GLRA3: variants seen among roughly 807,000 people sequenced by gnomAD.
GLRA3 encodes glycine receptor alpha 3.
A neutral mutation model predicts 60.4 loss-of-function variants in GLRA3; 44 were observed. The ratio of observed to expected loss-of-function variants is 0.73; its 90% CI spans 0.57 to 0.94. The LOEUF is 0.94. Ranked by LOEUF, GLRA3 falls within the 40% of genes least tolerant of loss-of-function variation. GLRA3 has a pLI of 0.00. For missense variants in GLRA3, 508 were observed against 564.6 expected (o/e 0.90, Z 1.02); for synonymous variants, 223 against 192.9 (o/e 1.16, Z -1.29).
intron 4 of GLRA3, among the ~76,000 whole-genome samples, chr4:174,719,168 T>A (rs1736045964): frequency 6.6e-6 from 1 of 151,592 alleles, no homozygotes; most frequent in Non-Finnish European, 1.5e-5. Flanking sequence ...TTTCACCGTG[T>A]TAGCCAGGAT....
chr4:174,721,766 T>C (rs570110461), intron 4 of GLRA3, among the ~76,000 whole-genome samples: 3 of 151,834 alleles, frequency 2.0e-5, no homozygotes, highest in South Asian at 4.2e-4. Context: ...TGTGTGTATA[T>C]ATATGTGTGT....
chr4:174,788,801 A>G lies in GLRA3; in HGVS notation c.199+15T>C. 6.3e-7 allele frequency: 1 copy of G among 1,575,248 alleles called. No individual in the cohort carries two copies. The highest frequency in any genetic ancestry group is 8.7e-7 in the Non-Finnish European group (1 of 1,156,008). ...ATTTAAAACACACATATAAAGTAGC[A>G]AACAGAACAATTACCTTTAAAATTG... On this transcript the variant is annotated intron_variant, in intron 2 of 9. Transcript: ENST00000274093.
At chr4:174,803,551 G>A (rs1412107876) in intron 1 of GLRA3, among the ~76,000 whole-genome samples, 1 of 152,090 alleles carries the variant, frequency 6.6e-6, no homozygotes, top group Non-Finnish European at 1.5e-5. Flanking sequence ...TTTGCCTTGG[G>A]CAAGCCAGAC....
At chr4:174,710,529 T>A (rs17363787) in intron 5 of GLRA3, among the ~76,000 whole-genome samples, 21,561 of 152,092 alleles carry the variant, frequency 0.14, 1,570 homozygotes, top group East Asian at 0.18. Context: ...TTTCAAAATG[T>A]TTGTTGTTGT....
At chr4:174,804,444 G>A (rs932242198) in intron 1 of GLRA3, among the ~76,000 whole-genome samples, 1 of 152,134 alleles carries the variant, frequency 6.6e-6, no homozygotes, top group Admixed American at 6.6e-5. Flanking sequence ...TGGTCAGGAA[G>A]AGAGTTGAGG....
intron 1 of GLRA3, 152 bp downstream of exon 1, chr4:174,828,589 A>G: frequency 1.6e-6 from 1 of 609,808 alleles, no homozygotes; most frequent in Middle Eastern, 2.6e-4. Context: ...TAGACTGCTA[A>G]ATAATTTAGA....
At chr4:174,755,495 A>T (rs961158647) in intron 3 of GLRA3, among the ~76,000 whole-genome samples, 7 of 152,162 alleles carry the variant, frequency 4.6e-5, no homozygotes, top group Non-Finnish European at 8.8e-5. Context: ...AGCCAAATAA[A>T]GTAGCACAGG....
rs527696921 is a variant in GLRA3 at position 174,641,761 on chromosome 4, A to G, written c.*2025T>C. 1 of 152,168 alleles carries G rather than the reference A, an allele frequency of 6.6e-6. No individual in the cohort carries two copies. Among genetic ancestry groups the G allele is most frequent in the South Asian group, 2.1e-4 (1 of 4,824 alleles). 9.4% of individuals were successfully genotyped at this position (152,168 alleles called of 1,614,324 possible). ...TGTTTGCTCCTGGCAGAATTCACTT[A>G]AGCAATGTTGGGAAACTTTTGAAAT... is the stretch of plus-strand genomic sequence containing the variant. On this transcript the variant is annotated 3_prime_UTR_variant, in exon 10 of 10. Coordinates refer to ENST00000274093, the MANE Select transcript of GLRA3 (RefSeq NM_006529.4).
chr4:174,714,495 A>C (rs1390168766), intron 5 of GLRA3, among the ~76,000 whole-genome samples: 2 of 152,196 alleles, frequency 1.3e-5, no homozygotes, highest in East Asian at 3.9e-4. Context: ...TTTTCCAAGG[A>C]GGAGTTATCA....
At chr4:174,806,341 TTA>T (rs933949577) in intron 1 of GLRA3, among the ~76,000 whole-genome samples, 7 of 152,096 alleles carry the variant, frequency 4.6e-5, no homozygotes, top group Non-Finnish European at 8.8e-5. Context: ...TTCAACATTC[TTA>T]TAGAAGCAGA....
At chr4:174,738,133 C>T (rs1736876535) in intron 3 of GLRA3, among the ~76,000 whole-genome samples, 1 of 152,160 alleles carries the variant, frequency 6.6e-6, no homozygotes, top group Non-Finnish European at 1.5e-5. Context: ...TACTGTAAAG[C>T]TGGAGAGGAA....
intron 7 of GLRA3, among the ~76,000 whole-genome samples, chr4:174,674,252 T>C (rs898555245): frequency 3.9e-5 from 6 of 152,170 alleles, no homozygotes; most frequent in African/African-American, 1.4e-4. Flanking sequence ...CCCATGATCA[T>C]TACCATCTTT....
chr4:174,763,087 T>G (rs181176455), intron 3 of GLRA3, among the ~76,000 whole-genome samples: 1 of 152,284 alleles, frequency 6.6e-6, no homozygotes, highest in East Asian at 1.9e-4. Flanking sequence ...TATTCCATTG[T>G]CTCAATTGTG....
At chr4:174,674,528 G>C (rs960399647) in intron 7 of GLRA3, among the ~76,000 whole-genome samples, 1 of 152,126 alleles carries the variant, frequency 6.6e-6, no homozygotes, top group Non-Finnish European at 1.5e-5. Context: ...TAGTTCTCTA[G>C]AAGCTGGCTA....
chr4:174,766,095 T>C (rs888053481), intron 3 of GLRA3, among the ~76,000 whole-genome samples: 6 of 152,004 alleles, frequency 3.9e-5, no homozygotes, highest in Non-Finnish European at 7.4e-5. Context: ...ACTACCTATT[T>C]ACTATTCTAA....
At position 174,637,707 on chromosome 4, in the gene GLRA3, G is replaced by T. The variant is rs1262682776; in HGVS notation, c.*6079C>A. 1 of 151,810 alleles carries T rather than the reference G, an allele frequency of 6.6e-6. No homozygotes were observed. The highest frequency in any genetic ancestry group is 1.9e-4 in the East Asian group (1 of 5,180). 9.4% of individuals were successfully genotyped at this position (151,810 alleles called of 1,614,324 possible). On this transcript the variant is annotated 3_prime_UTR_variant, in exon 10 of 10. Transcript: ENST00000274093. ...TAAAAACACACAATATGGTTAATAT[G>T]GTTTGCTGCTAGTTTTTTTAAATTC...
chr4:174,778,940 C>T (rs932707342), intron 2 of GLRA3, among the ~76,000 whole-genome samples: 20 of 152,144 alleles, frequency 1.3e-4, no homozygotes, highest in Non-Finnish European at 1.9e-4. Flanking sequence ...ACAAAGCAGC[C>T]GGGAAGCTCC....
chr4:174,707,533 C>T (rs990722711), intron 5 of GLRA3, among the ~76,000 whole-genome samples: 2 of 151,778 alleles, frequency 1.3e-5, no homozygotes, highest in Non-Finnish European at 2.9e-5. Flanking sequence ...GGGGGGAAGC[C>T]CTACTCTGCA....
In GLRA3 at chr4:174,771,695, C is replaced by T. The variant is rs187579945; in HGVS notation, c.200-4665G>A. ...CTGATTGGGATCTTTTTGGCTGAAA[C>T]GGAAATAAATAAAAGAGTGGGGAGA... On this transcript the variant is annotated intron_variant, in intron 2 of 9. Coordinates refer to ENST00000274093, the MANE Select transcript of GLRA3 (RefSeq NM_006529.4). Among the ~76,000 whole-genome samples, 77 of 151,850 alleles carry T rather than the reference C, an allele frequency of 5.1e-4. No individual in the cohort carries two copies. The East Asian group carries it at 0.012, about 24-fold the overall frequency.
Sources: allele counts gnomAD v4.1 joint callset (sites outside exome capture counted in the v4.1 genomes callset), GRCh38; gene constraint gnomAD v4.1.1; transcripts MANE v1.5; gene names NCBI Gene and HGNC (gene_info 2026-07-23, HGNC 2026-07-21).